The following SFT2D1 variants were observed in gnomAD, a reference collection of about 807,000 sequenced individuals.
SFT2D1 encodes the protein vesicle transport protein SFT2A.
In SFT2D1, 24 loss-of-function variants were observed where a neutral mutation model predicts 28.1. The observed-to-expected ratio is 0.85, with a 90% CI of 0.62 to 1.20. SFT2D1 has a LOEUF of 1.20. SFT2D1 is among the 50% of genes most tolerant of loss of function. The pLI is 0.00. For missense variants in SFT2D1, 181 were observed against 190.9 expected (o/e 0.95, Z 0.31); for synonymous variants, 82 against 73.7 (o/e 1.11, Z -0.58).
intron 4 of SFT2D1, among the ~76,000 whole-genome samples, chr6:166,327,894 A>G (rs1245942550): frequency 6.6e-6 from 1 of 152,106 alleles, no homozygotes; most frequent in African/African-American, 2.4e-5. Context: ...TCCACCTCCC[A>G]GGTTCAAGTG....
chr6:166,320,415 A>G (rs1164307882), intron 7 of SFT2D1, among the ~76,000 whole-genome samples, 159 bp from the exon 8 acceptor site: 1 of 152,252 alleles, frequency 6.6e-6, no homozygotes, highest in Non-Finnish European at 1.5e-5. Flanking sequence ...TTTAAGATTA[A>G]GAGCTAAGAT....
intron 1 of SFT2D1, among the ~76,000 whole-genome samples, chr6:166,337,374 T>C (rs932465900): frequency 2.0e-5 from 3 of 152,204 alleles, no homozygotes; most frequent in South Asian, 2.1e-4. Context: ...AGGAACATTT[T>C]TGAAGCATCA....
Position 166,328,368 on chromosome 6 carries a change from CAAAT to C in SFT2D1, c.234-15_234-12del, listed in dbSNP as rs780482735. 88 of 1,509,850 alleles carry C rather than the reference CAAAT, an allele frequency of 5.8e-5. No individual in the cohort carries two copies. Among genetic ancestry groups the C allele is most frequent in the Middle Eastern group, 3.5e-4 (2 of 5,742 alleles). The allele number at this position is 1,509,850 out of a possible 1,614,324, so 93.5% of individuals were successfully genotyped here. A position where few individuals can be genotyped will look rare whatever the true frequency, so the allele number is the denominator to read the frequency against. On this transcript the variant is annotated splice_polypyrimidine_tract_variant and intron_variant, in intron 3 of 7. Coordinates refer to ENST00000361731, the MANE Select transcript of SFT2D1 (RefSeq NM_145169.3). ...ATTAAAAAGCATGTACTATTTGAAA[CAAAT>C]AAAGTGACTGAGGTACAGGTCTACT...
chr6:166,320,526 A>T (rs754744619), intron 7 of SFT2D1, among the ~76,000 whole-genome samples: 10 of 151,998 alleles, frequency 6.6e-5, no homozygotes, highest in Non-Finnish European at 1.2e-4. Flanking sequence ...AAATACCAAA[A>T]ATAACCTAAC....
intron 4 of SFT2D1, among the ~76,000 whole-genome samples, chr6:166,326,781 A>G (rs1044144472): frequency 5.9e-5 from 9 of 152,218 alleles, no homozygotes; most frequent in African/African-American, 1.9e-4. Flanking sequence ...TTATATGTTC[A>G]AACGTTCCCA....
chr6:166,326,273 A>G, intron 4 of SFT2D1, 106 bp from the exon 5 acceptor site: 1 of 921,708 alleles, frequency 1.1e-6, no homozygotes, highest in East Asian at 2.7e-5. Context: ...ATACTATAGA[A>G]CAAAAATAAG....
chr6:166,338,489 G>C (rs1583043393), intron 1 of SFT2D1, among the ~76,000 whole-genome samples: 1 of 152,100 alleles, frequency 6.6e-6, no homozygotes, highest in South Asian at 2.1e-4. Flanking sequence ...AGAGTAACTG[G>C]GTCAGGAAGA....
At chr6:166,321,589 T>C (rs1778359584) in intron 7 of SFT2D1, among the ~76,000 whole-genome samples, 1 of 152,224 alleles carries the variant, frequency 6.6e-6, no homozygotes, top group Non-Finnish European at 1.5e-5. Flanking sequence ...ACATTTGAAA[T>C]GGAATAAAAA....
At chr6:166,322,080 G>A (rs546141507) in intron 7 of SFT2D1, among the ~76,000 whole-genome samples, 9 of 152,192 alleles carry the variant, frequency 5.9e-5, no homozygotes, top group African/African-American at 2.2e-4. Flanking sequence ...ACGAGGTTTT[G>A]CCATGTTGGC....
At chr6:166,332,403 C>T (rs536764929) in intron 1 of SFT2D1, among the ~76,000 whole-genome samples, 2 of 152,188 alleles carry the variant, frequency 1.3e-5, no homozygotes, top group South Asian at 2.1e-4. Flanking sequence ...TACAGGTCCA[C>T]GCCACCAGGC....
chr6:166,326,641 G>A (rs1020583561), intron 4 of SFT2D1, among the ~76,000 whole-genome samples: 5 of 152,204 alleles, frequency 3.3e-5, no homozygotes, highest in Admixed American at 6.5e-5. Flanking sequence ...GTGCATCCGT[G>A]ATGGGCTTGA....
In SFT2D1 at chr6:166,342,404, G is replaced by A; in HGVS notation, c.63+15C>T. ...CGGGCAGCCCCGGGACTGGACGAGG[G>A]CGCAAGTTCGCTACCTGCGCAGTCA... On this transcript the variant is annotated intron_variant, in intron 1 of 7. Coordinates refer to ENST00000361731, the MANE Select transcript of SFT2D1 (RefSeq NM_145169.3). 6.5e-7 allele frequency: 1 copy of A among 1,549,724 alleles called. No homozygotes were observed.
At chr6:166,329,283 C>T (rs1005455575) in intron 3 of SFT2D1, among the ~76,000 whole-genome samples, 5 of 152,214 alleles carry the variant, frequency 3.3e-5, no homozygotes, top group African/African-American at 1.2e-4. Context: ...CCCAGACACA[C>T]ATTAAGTGCC....
chr6:166,328,320 T>C lies in SFT2D1; in HGVS notation c.271A>G (p.Lys91Glu). ...FLMGPVKQLKKMFEATRLLAT... is the reference protein window; with the variant it reads ...FLMGPVKQLKEMFEATRLLAT... ...AGCAATCTTGTTGCTTCAAACATTT[T>C]CTTCAGTTGCTTCACAGGTCCCATT... Residue 91 changes from lysine (K) to glutamate (E), a missense_variant, in exon 4 of 8, where the codon AAA becomes GAA. Physicochemically the swap from Lys to Glu is moderately conservative, Grantham distance 56. Coordinates refer to ENST00000361731, the MANE Select transcript of SFT2D1 (RefSeq NM_145169.3). 1 of 1,599,374 alleles carries C rather than the reference T, an allele frequency of 6.3e-7. No homozygotes were observed. Among genetic ancestry groups the C allele is most frequent in the South Asian group, 1.1e-5 (1 of 87,834 alleles).
intron 7 of SFT2D1, among the ~76,000 whole-genome samples, chr6:166,321,892 C>A (rs1778364661): frequency 6.6e-6 from 1 of 152,122 alleles, no homozygotes; most frequent in Non-Finnish European, 1.5e-5. Flanking sequence ...CAGTAACTTC[C>A]TTTTTTATTG....
chr6:166,329,833 A>G (rs918437503), intron 2 of SFT2D1, among the ~76,000 whole-genome samples: 5 of 152,214 alleles, frequency 3.3e-5, no homozygotes, highest in African/African-American at 1.2e-4. Context: ...CTTTGTGCTT[A>G]CCAGTAAATC....
chr6:166,329,307 CTA>C (rs1419017804), intron 3 of SFT2D1, among the ~76,000 whole-genome samples, 198 bp downstream of exon 3: 1 of 152,224 alleles, frequency 6.6e-6, no homozygotes, highest in Non-Finnish European at 1.5e-5. Flanking sequence ...CAAAGGCTGG[CTA>C]TTCCTAGCAC....
chr6:166,335,942 A>G (rs188740294), intron 1 of SFT2D1, among the ~76,000 whole-genome samples: 39 of 152,384 alleles, frequency 2.6e-4, no homozygotes, highest in African/African-American at 9.1e-4. Context: ...TGTATTTGTG[A>G]CTAATTTTAT....
chr6:166,338,585 A>G (rs747195624), intron 1 of SFT2D1, among the ~76,000 whole-genome samples: 2 of 152,072 alleles, frequency 1.3e-5, no homozygotes, highest in Admixed American at 6.5e-5. Context: ...ATTCCTGAAA[A>G]AAGAAATGCA....
Sources: gnomAD v4.1 joint callset for allele counts (sites outside exome capture counted in the v4.1 genomes callset) on GRCh38, gnomAD v4.1.1 for gene constraint, MANE v1.5 for transcripts, NCBI Gene and HGNC (gene_info 2026-07-23, HGNC 2026-07-21) for gene names.